Variants in FHIT observed in about 807,000 individuals in gnomAD.
FHIT encodes the protein bis(5'-adenosyl)-triphosphatase.
A neutral mutation model predicts 17.9 loss-of-function variants in FHIT; 19 were observed. That is an observed-to-expected ratio of 1.06 (90% CI 0.74 to 1.56). The LOEUF (loss-of-function observed/expected upper bound fraction) is 1.56, where lower values mean the gene tolerates loss of function less well. FHIT is among the 40% of genes most tolerant of loss of function. The probability of loss-of-function intolerance (pLI) is 0.00; values close to 1 mark genes in which losing one functional copy is unlikely to be tolerated. For missense variants in FHIT, 248 were observed against 189.2 expected, an observed-to-expected ratio of 1.31 and a Z score of -1.82; for synonymous variants, 81 against 69.7, an observed-to-expected ratio of 1.16 and a Z score of -0.81.
chr3:60,105,050 C>T (rs1704349671), intron 5 of FHIT, among the ~76,000 whole-genome samples: 2 of 152,172 alleles, frequency 1.3e-5, no homozygotes, highest in Admixed American at 1.3e-4. Flanking sequence ...TGGGTGACTG[C>T]TCTGTACCGT....
At chr3:60,967,283 T>C (rs1354726376) in intron 3 of FHIT, among the ~76,000 whole-genome samples, 1 of 152,224 alleles carries the variant, frequency 6.6e-6, no homozygotes, top group Non-Finnish European at 1.5e-5. Flanking sequence ...AGTTCTGTTA[T>C]ACCACATTGG....
At chr3:59,981,722 G>C (rs11711525) in intron 7 of FHIT, among the ~76,000 whole-genome samples, 10,622 of 152,042 alleles carry the variant, frequency 0.07, 415 homozygotes, top group Middle Eastern at 0.11. Flanking sequence ...GTCAAATAGA[G>C]AAGTTAAACA....
intron 5 of FHIT, among the ~76,000 whole-genome samples, chr3:60,316,902 T>C (rs1289233179): frequency 6.6e-6 from 1 of 152,194 alleles, no homozygotes; most frequent in Non-Finnish European, 1.5e-5. Context: ...CCTGCAGAGC[T>C]TGTTAAATAG....
At chr3:60,286,872 G>A (rs551780665) in intron 5 of FHIT, among the ~76,000 whole-genome samples, 2 of 152,258 alleles carry the variant, frequency 1.3e-5, no homozygotes, top group Non-Finnish European at 2.9e-5. Flanking sequence ...AAATTCAAAT[G>A]TAAGATGGTC....
In FHIT at chr3:60,755,254, T is replaced by G. The variant is rs148645931; in HGVS notation, c.-18+66665A>C. 3.9e-5 allele frequency among the ~76,000 whole-genome samples: 6 copies of G among 152,286 alleles called. No individual in the cohort carries two copies. In the East Asian group the frequency reaches 1.2e-3, roughly 29 times the overall value. ...CATGCTGCAGGCCAATTTTCAGGCA[T>G]GTGTGTTTACTGGATGAGTGATGAG... On this transcript the variant is annotated intron_variant, in intron 4 of 9. Coordinates refer to ENST00000492590, the MANE Select transcript of FHIT (RefSeq NM_002012.4).
intron 5 of FHIT, among the ~76,000 whole-genome samples, chr3:60,252,081 T>C (rs767429251): frequency 6.6e-6 from 1 of 152,200 alleles, no homozygotes; most frequent in African/African-American, 2.4e-5. Context: ...AACTTAATCA[T>C]TGGCTGTATG....
chr3:60,394,997 G>A (rs1476788982), intron 5 of FHIT, among the ~76,000 whole-genome samples: 2 of 152,222 alleles, frequency 1.3e-5, no homozygotes, highest in Non-Finnish European at 2.9e-5. Context: ...GCATGAATCT[G>A]AAGCTAGATG....
intron 2 of FHIT, among the ~76,000 whole-genome samples, chr3:61,145,973 C>T (rs2037215782): frequency 6.6e-6 from 1 of 152,086 alleles, no homozygotes; most frequent in South Asian, 2.1e-4. Context: ...TACTTATAAA[C>T]ATCAGTGTAT....
intron 4 of FHIT, among the ~76,000 whole-genome samples, chr3:60,800,888 T>C (rs574436371): frequency 6.6e-6 from 1 of 152,280 alleles, no homozygotes; most frequent in African/African-American, 2.4e-5. Context: ...CTGGGGAAGT[T>C]CATTTCCCTC....
At chr3:61,151,693 C>T (rs1330069004) in intron 2 of FHIT, among the ~76,000 whole-genome samples, 1 of 151,530 alleles carries the variant, frequency 6.6e-6, no homozygotes, top group East Asian at 1.9e-4. Context: ...CCTGCTTTAG[C>T]CATAGCTGGG....
chr3:60,826,098 T>C (rs1346912996), intron 3 of FHIT, among the ~76,000 whole-genome samples: 10 of 151,584 alleles, frequency 6.6e-5, no homozygotes, highest in African/African-American at 1.9e-4. Context: ...TCATCTGTGC[T>C]TTTTTGTTTT....
At chr3:60,224,650 T>A (rs914525231) in intron 5 of FHIT, among the ~76,000 whole-genome samples, 2 of 152,204 alleles carry the variant, frequency 1.3e-5, no homozygotes, top group African/African-American at 4.8e-5. Context: ...CAAACCATAA[T>A]CTCCATGAGG....
At chr3:60,342,922 A>T (rs933349411) in intron 5 of FHIT, among the ~76,000 whole-genome samples, 2 of 152,138 alleles carry the variant, frequency 1.3e-5, no homozygotes, top group Admixed American at 1.3e-4. Flanking sequence ...ATCCACAGCT[A>T]ATTTTGGCAC....
chr3:60,973,424 C>A (rs1710107471), intron 3 of FHIT, among the ~76,000 whole-genome samples: 1 of 152,020 alleles, frequency 6.6e-6, no homozygotes, highest in South Asian at 2.1e-4. Context: ...ATTTTGTTGT[C>A]TCTCCCTGGG....
chr3:59,838,871 C>T (rs569009208), intron 8 of FHIT, among the ~76,000 whole-genome samples: 8 of 152,212 alleles, frequency 5.3e-5, no homozygotes, highest in East Asian at 3.9e-4. Flanking sequence ...GAAACTGAAG[C>T]GGGCTAGGTT....
At chr3:60,318,773 A>G (rs1451041138) in intron 5 of FHIT, among the ~76,000 whole-genome samples, 1 of 152,238 alleles carries the variant, frequency 6.6e-6, no homozygotes, top group Non-Finnish European at 1.5e-5. Flanking sequence ...GGTTAAAAAT[A>G]ATACAAATAT....
intron 1 of FHIT, among the ~76,000 whole-genome samples, chr3:61,238,558 C>A (rs905163336): frequency 6.6e-6 from 1 of 152,216 alleles, no homozygotes; most frequent in Non-Finnish European, 1.5e-5. Context: ...GCAAAAGACA[C>A]AGGAGCTAAC....
chr3:60,611,226 T>A (rs1215426156), intron 4 of FHIT, among the ~76,000 whole-genome samples: 1 of 152,160 alleles, frequency 6.6e-6, no homozygotes, highest in Non-Finnish European at 1.5e-5. Context: ...AACACAACAC[T>A]GAAGGTCCAG....
chr3:60,591,694 G>A (rs540444804), intron 4 of FHIT, among the ~76,000 whole-genome samples: 1 of 152,210 alleles, frequency 6.6e-6, no homozygotes, highest in Admixed American at 6.5e-5. Context: ...ATGGCAGAGA[G>A]GAAAATGAAA....
Sources: gnomAD v4.1 joint callset for allele counts (sites outside exome capture counted in the v4.1 genomes callset) on GRCh38, gnomAD v4.1.1 for gene constraint, MANE v1.5 for transcripts, NCBI Gene and HGNC (gene_info 2026-07-23, HGNC 2026-07-21) for gene names.